Variants in PCSK5 observed in about 807,000 individuals in gnomAD.
PCSK5 encodes the protein prohormone convertase 5.
In PCSK5, 129 loss-of-function variants were observed where a neutral mutation model predicts 233.2. That is an observed-to-expected ratio of 0.55 (90% CI 0.48 to 0.64). The LOEUF (loss-of-function observed/expected upper bound fraction) is 0.64. Among genes scored for constraint, PCSK5 ranks in the 30% least tolerant of loss-of-function variants. The probability of loss-of-function intolerance (pLI) is 0.00; values close to 1 mark genes in which losing one functional copy is unlikely to be tolerated. For missense variants in PCSK5, 2,076 were observed against 2,430.1 expected (o/e 0.85, Z 3.06); for synonymous variants, 825 against 879.2 (o/e 0.94, Z 1.09).
At chr9:76,211,206 G>C (rs895338466) in intron 20 of PCSK5, among the ~76,000 whole-genome samples, 1 of 152,186 alleles carries the variant, frequency 6.6e-6, no homozygotes, top group African/African-American at 2.4e-5. Context: ...ATACATAACT[G>C]AAAGTTTGCC....
intron 5 of PCSK5, among the ~76,000 whole-genome samples, chr9:76,060,109 T>G (rs1246275823): frequency 2.0e-5 from 3 of 152,178 alleles, no homozygotes; most frequent in Non-Finnish European, 4.4e-5. Flanking sequence ...GAGGGAAGTA[T>G]GAGCTGCAAA....
At chr9:76,022,855 G>A (rs1466057725) in intron 3 of PCSK5, among the ~76,000 whole-genome samples, 1 of 152,124 alleles carries the variant, frequency 6.6e-6, no homozygotes, top group African/African-American at 2.4e-5. Context: ...CAAAAAAATA[G>A]TGCTTGATGA....
intron 2 of PCSK5, among the ~76,000 whole-genome samples, chr9:75,933,469 C>T (rs542532604): frequency 3.9e-5 from 6 of 152,268 alleles, no homozygotes; most frequent in South Asian, 2.1e-4. Context: ...CCTACCAGTG[C>T]GCATAGCAAT....
intron 9 of PCSK5, among the ~76,000 whole-genome samples, chr9:76,125,638 T>A (rs10120992): frequency 0.47 from 71,434 of 151,972 alleles, 17,184 homozygotes; most frequent in Admixed American, 0.52. Context: ...TGCCATCTAC[T>A]ACTCTGTACT....
At chr9:75,890,521 G>A (rs1013182659), upstream of PCSK5, 2 of 152,470 alleles carry the variant, frequency 1.3e-5, no homozygotes, top group African/African-American at 4.8e-5. Context: ...GTTACAGCTG[G>A]GCGAACCCGG....
chr9:76,321,685 C>G (rs987428081), intron 31 of PCSK5, 46 bp downstream of exon 31: 1 of 1,261,274 alleles, frequency 7.9e-7, no homozygotes, highest in Non-Finnish European at 1.1e-6. Context: ...GCTGAGCCAC[C>G]AGTTGGGGGC....
At chr9:75,949,258 G>T (rs573071136) in intron 2 of PCSK5, among the ~76,000 whole-genome samples, 4 of 151,596 alleles carry the variant, frequency 2.6e-5, no homozygotes, top group African/African-American at 4.8e-5. Flanking sequence ...TAAGACTAGG[G>T]TTAAGAATAC....
chr9:76,236,390 C>T (rs560244822), intron 22 of PCSK5, among the ~76,000 whole-genome samples: 4 of 152,292 alleles, frequency 2.6e-5, no homozygotes, highest in Admixed American at 2.0e-4. Context: ...TAAACAAAAG[C>T]CAATCCAAAC....
intron 6 of PCSK5, among the ~76,000 whole-genome samples, chr9:76,070,095 G>A (rs1227416363): frequency 6.6e-6 from 1 of 150,572 alleles, no homozygotes; most frequent in East Asian, 2.0e-4. Context: ...CCATCTCCTG[G>A]GTTCATGCCA....
intron 2 of PCSK5, among the ~76,000 whole-genome samples, chr9:75,946,929 A>G (rs903737652): frequency 8.5e-5 from 13 of 152,126 alleles, no homozygotes; most frequent in African/African-American, 2.9e-4. Flanking sequence ...TCTTCCCCAG[A>G]TACTGTTTTG....
chr9:75,902,784 C>T (rs577973857), intron 1 of PCSK5, among the ~76,000 whole-genome samples: 3 of 152,326 alleles, frequency 2.0e-5, no homozygotes, highest in African/African-American at 7.2e-5. Context: ...TAGGTATTAT[C>T]TCTGCTTTAC....
intron 5 of PCSK5, among the ~76,000 whole-genome samples, chr9:76,050,252 G>A (rs1451989763): frequency 2.0e-5 from 3 of 152,268 alleles, no homozygotes; most frequent in East Asian, 3.9e-4. Context: ...TATAGGTAAA[G>A]TTGAAACATG....
intron 20 of PCSK5, 86 bp downstream of exon 20, chr9:76,189,832 AACTC>A (rs1335322374): frequency 8.4e-6 from 6 of 715,670 alleles, no homozygotes; most frequent in East Asian, 5.2e-5. Flanking sequence ...TTAAAAAAGA[AACTC>A]ACAGCATGCA....
chr9:76,348,449 G>T (rs1286597341), intron 35 of PCSK5, among the ~76,000 whole-genome samples: 1 of 152,018 alleles, frequency 6.6e-6, no homozygotes, highest in Non-Finnish European at 1.5e-5. Flanking sequence ...TGGGTATGGG[G>T]TGTGTGCCTG....
At chr9:75,932,536 A>G (rs575215748) in intron 2 of PCSK5, 53 bp downstream of exon 2, 5 of 1,032,930 alleles carry the variant, frequency 4.8e-6, no homozygotes, top group South Asian at 2.5e-5. Flanking sequence ...TGCATTTTTC[A>G]TTGGTAATAA....
chr9:76,188,945 G>A, intron 18 of PCSK5, 149 bp from the exon 19 acceptor site: 1 of 733,968 alleles, frequency 1.4e-6, no homozygotes, highest in African/African-American at 1.8e-5. Flanking sequence ...TAACTTTGAA[G>A]GCTTTTTTCC....
rs545672912 is a variant in PCSK5, at chr9:75,891,129, C to T, written c.-53C>T. On this transcript the variant is annotated 5_prime_UTR_variant, in exon 1 of 38. Transcript: ENST00000674117. The stretch of plus-strand genomic sequence containing the variant: ...GGCCGGAGAAGTTAGTTGTGCGCGC[C>T]CTTAGTGCGCGGAACCAGCCAGCGA... The T allele has an allele frequency of 4.3e-6, 6 of 1,404,900 alleles. No individual in the cohort carries two copies. The Admixed American group carries it at 1.9e-4, about 45-fold the overall frequency. 87.0% of individuals were successfully genotyped at this position (1,404,900 alleles called of 1,614,324 possible). A position where few individuals can be genotyped will look rare whatever the true frequency, so the allele number is the denominator to read the frequency against.
rs1304021816 is a variant in PCSK5 at position 76,362,175 on chromosome 9, G to A, written c.*3253G>A. 6.6e-6 allele frequency: 1 copy of A among 152,176 alleles called. No individual in the cohort carries two copies. Among genetic ancestry groups the A allele is most frequent in the East Asian group, 1.9e-4 (1 of 5,200 alleles). 9.4% of individuals were successfully genotyped at this position (152,176 alleles called of 1,614,324 possible). On this transcript the variant is annotated 3_prime_UTR_variant, in exon 38 of 38. Coordinates refer to ENST00000674117, the MANE Select transcript of PCSK5 (RefSeq NM_001372043.1). Reference sequence around the variant, plus strand: ...TACTATGCTAATGACTATCTAAATAGATAAATATGTGATTGGAAAACAAAG... The same window carrying A: ...TACTATGCTAATGACTATCTAAATAAATAAATATGTGATTGGAAAACAAAG...
chr9:76,160,760 A>T (rs35714346), intron 12 of PCSK5, among the ~76,000 whole-genome samples: 26,813 of 149,642 alleles, frequency 0.18, 2,739 homozygotes, highest in East Asian at 0.31. Flanking sequence ...GGAGTACAGA[A>T]TCTGATATCT....
Sources: gnomAD v4.1 joint callset for allele counts (sites outside exome capture counted in the v4.1 genomes callset) on GRCh38, gnomAD v4.1.1 for gene constraint, MANE v1.5 for transcripts, NCBI Gene and HGNC (gene_info 2026-07-23, HGNC 2026-07-21) for gene names.